The following NR5A2 variants were observed in gnomAD, a reference collection of about 807,000 sequenced individuals.
The protein encoded by NR5A2 is nuclear receptor subfamily 5 group A member 2.
Under a neutral mutation model 62.7 loss-of-function variants are expected in NR5A2, and 26 were observed. The ratio of observed to expected loss-of-function variants is 0.41; its 90% CI spans 0.30 to 0.58. NR5A2 has a LOEUF of 0.58. NR5A2 is among the 20% of genes least tolerant of loss of function. The pLI is 0.22. For missense variants in NR5A2, 541 were observed against 669.1 expected, an observed-to-expected ratio of 0.81 and a Z score of 2.11; for synonymous variants, 246 against 241.7, an observed-to-expected ratio of 1.02 and a Z score of -0.16.
At chr1:200,080,224 A>G (rs1664233203) in intron 5 of NR5A2, among the ~76,000 whole-genome samples, 1 of 152,158 alleles carries the variant, frequency 6.6e-6, no homozygotes, top group African/African-American at 2.4e-5. Context: ...GTTACAATCA[A>G]ATAGAACTGG....
chr1:200,166,445 G>T, intron 7 of NR5A2, among the ~76,000 whole-genome samples: 1 of 152,130 alleles, frequency 6.6e-6, no homozygotes, highest in East Asian at 1.9e-4. Flanking sequence ...ACATTAAGTT[G>T]TGTTACATGC....
intron 7 of NR5A2, among the ~76,000 whole-genome samples, chr1:200,123,350 C>T (rs965476480): frequency 3.9e-5 from 6 of 152,140 alleles, no homozygotes; most frequent in African/African-American, 1.4e-4. Flanking sequence ...GAAGCACTAC[C>T]AGTGTGAAAG....
chr1:200,121,482 G>A (rs1666477956), intron 7 of NR5A2, among the ~76,000 whole-genome samples: 1 of 152,186 alleles, frequency 6.6e-6, no homozygotes, highest in Non-Finnish European at 1.5e-5. Context: ...CAGTTGTCAA[G>A]GGGAAAGGAT....
At chr1:200,133,939 C>G (rs1451120020) in intron 7 of NR5A2, among the ~76,000 whole-genome samples, 3 of 151,922 alleles carry the variant, frequency 2.0e-5, no homozygotes, top group African/African-American at 7.2e-5. Context: ...TGATCCTGAC[C>G]TTGTATAGGC....
At chr1:200,138,750 C>A (rs1667329341) in intron 7 of NR5A2, among the ~76,000 whole-genome samples, 1 of 152,118 alleles carries the variant, frequency 6.6e-6, no homozygotes, top group Non-Finnish European at 1.5e-5. Context: ...TCTTTCTGGA[C>A]TTTCTACTTT....
intron 3 of NR5A2, 116 bp from the exon 4 acceptor site, chr1:200,045,327 C>A: frequency 1.2e-6 from 1 of 869,506 alleles, no homozygotes; most frequent in Non-Finnish European, 1.7e-6. Flanking sequence ...CACAGAACCA[C>A]ATAAGGGCTC....
intron 6 of NR5A2, among the ~76,000 whole-genome samples, chr1:200,117,510 A>G (rs765985491): frequency 2.0e-5 from 3 of 152,222 alleles, no homozygotes; most frequent in Non-Finnish European, 2.9e-5. Flanking sequence ...ATATAATCCT[A>G]TGAAACAGAT....
Position 200,048,486 on chromosome 1 carries a change from A to G in NR5A2, c.778A>G (p.Thr260Ala), listed in dbSNP as rs1662479978. The G allele has an allele frequency of 1.2e-6, 2 of 1,614,024 alleles. No individual in the cohort carries two copies. Among genetic ancestry groups the G allele is most frequent in the Non-Finnish European group, 8.5e-7 (1 of 1,180,028 alleles). Residue 260 changes from threonine to alanine, a missense_variant, in exon 5 of 8, where the codon ACA becomes GCA. By Grantham distance (58) the Thr-to-Ala change is moderately conservative (BLOSUM62 0). This residue lies in a region of NR5A2 where 379 missense variants were observed against 442.0 expected (regional missense o/e 0.86). Coordinates refer to ENST00000367362, the MANE Select transcript of NR5A2 (RefSeq NM_205860.3). The surrounding 1 kb of genome is among the most constrained non-coding windows in gnomAD (Gnocchi z 4.8). ...PPHGSLQGYQ[T>A]YGHFPSRAIK... ...TCACGGCAGCCTGCAAGGTTACCAA[A>G]CATATGGCCACTTTCCTAGCCGGGC...
chr1:200,125,952 G>A (rs1460184472), intron 7 of NR5A2, among the ~76,000 whole-genome samples: 1 of 152,110 alleles, frequency 6.6e-6, no homozygotes, highest in Non-Finnish European at 1.5e-5. Context: ...AGGCTCAAAT[G>A]ATCCTCTCGC....
intron 6 of NR5A2, among the ~76,000 whole-genome samples, chr1:200,113,951 C>T (rs1336781928): frequency 6.6e-6 from 1 of 152,020 alleles, no homozygotes; most frequent in Non-Finnish European, 1.5e-5. Context: ...GAGGCTGAGG[C>T]GGGTGGGTCA....
At chr1:200,089,910 T>C (rs1664738751) in intron 5 of NR5A2, among the ~76,000 whole-genome samples, 1 of 152,248 alleles carries the variant, frequency 6.6e-6, no homozygotes, top group Non-Finnish European at 1.5e-5. Context: ...TCATCATCAC[T>C]GTCTTCCTCT....
intron 7 of NR5A2, among the ~76,000 whole-genome samples, chr1:200,158,875 T>C (rs1423129458): frequency 6.6e-6 from 1 of 151,378 alleles, no homozygotes; most frequent in Non-Finnish European, 1.5e-5. Flanking sequence ...CATTCTGGTA[T>C]TGACCTGACC....
intron 5 of NR5A2, among the ~76,000 whole-genome samples, chr1:200,101,598 C>T (rs866849775): frequency 6.6e-6 from 1 of 152,306 alleles, no homozygotes; most frequent in Middle Eastern, 3.4e-3. Flanking sequence ...AACATGTGTA[C>T]ATGCTTTGAC....
chr1:200,083,304 C>T (rs1193459288), intron 5 of NR5A2, among the ~76,000 whole-genome samples: 2 of 152,112 alleles, frequency 1.3e-5, no homozygotes, highest in Non-Finnish European at 2.9e-5. Context: ...TCATTTCATC[C>T]TAAAAAGTTA....
intron 5 of NR5A2, among the ~76,000 whole-genome samples, chr1:200,072,729 CAG>C (rs1216788088): frequency 2.0e-5 from 3 of 152,120 alleles, no homozygotes; most frequent in Admixed American, 6.6e-5. Context: ...AAAGTGTGCA[CAG>C]AGTCATGCTG....
At chr1:200,123,252 TC>T (rs1320527030) in intron 7 of NR5A2, among the ~76,000 whole-genome samples, 2 of 152,198 alleles carry the variant, frequency 1.3e-5, no homozygotes, top group African/African-American at 4.8e-5. Context: ...AGCAGTATTC[TC>T]CTGTGAGAGA....
At position 200,133,505 on chromosome 1, in the gene NR5A2, C is replaced by CTATATATA. The variant is rs138519275; in HGVS notation, c.1378+12565_1378+12572dup. Among the ~76,000 whole-genome samples, 676 of 134,374 alleles carry CTATATATA rather than the reference C, an allele frequency of 5.0e-3. 8 individuals are homozygous for CTATATATA. The highest frequency in any genetic ancestry group is 0.018 in the African/African-American group (635 of 35,486). The allele number at this position is 134,374 out of a possible 152,430, so 88.2% of individuals were successfully genotyped here. A position where few individuals can be genotyped will look rare whatever the true frequency, so the allele number is the denominator to read the frequency against. On this transcript the variant is annotated intron_variant, in intron 7 of 7. Transcript: ENST00000367362. ...TAATGATGTTTTGGTCACTGATGGA[C>CTATATATA]TATATATATATATATATATATACAC...
chr1:200,060,801 T>C (rs1321165868), intron 5 of NR5A2, among the ~76,000 whole-genome samples: 1 of 152,058 alleles, frequency 6.6e-6, no homozygotes, highest in African/African-American at 2.4e-5. Context: ...CCAAAAGCTT[T>C]GACAAGAATA....
chr1:200,126,811 C>T (rs1026407153), intron 7 of NR5A2, among the ~76,000 whole-genome samples: 2 of 151,994 alleles, frequency 1.3e-5, no homozygotes, highest in Non-Finnish European at 2.9e-5. Context: ...GCCACTCTGC[C>T]TGGCCTATGA....
Sources: gnomAD v4.1 joint callset for allele counts (sites outside exome capture counted in the v4.1 genomes callset) on GRCh38, gnomAD v4.1.1 for gene constraint, gnomAD v4.1.1 regional missense constraint, Gnocchi (gnomAD v3.1) non-coding constraint, MANE v1.5 for transcripts, NCBI Gene and HGNC (gene_info 2026-07-23, HGNC 2026-07-21) for gene names.